CTNND2: variants seen among roughly 807,000 people sequenced by gnomAD.
CTNND2 encodes catenin delta 2, also known as catenin delta-2.
Under a neutral mutation model 144.4 loss-of-function variants are expected in CTNND2, and 22 were observed. The ratio of observed to expected loss-of-function variants is 0.15; its 90% CI spans 0.11 to 0.22. CTNND2 has a LOEUF of 0.22. Among genes scored for constraint, CTNND2 ranks in the 10% least tolerant of loss-of-function variants. The pLI is 1.00. For missense variants in CTNND2, 1,353 were observed against 1,618.8 expected (o/e 0.84, Z 2.82); for synonymous variants, 751 against 695.6 (o/e 1.08, Z -1.25).
At chr5:11,724,209 T>A (rs59130706) in intron 2 of CTNND2, among the ~76,000 whole-genome samples, 15,676 of 152,138 alleles carry the variant, frequency 0.1, 998 homozygotes, top group East Asian at 0.21. Flanking sequence ...CCAGTAAAGC[T>A]CCTAGTATGG....
chr5:11,665,445 G>A (rs1783512682), intron 2 of CTNND2, among the ~76,000 whole-genome samples: 1 of 152,116 alleles, frequency 6.6e-6, no homozygotes, highest in African/African-American at 2.4e-5. Context: ...CTGAACCCGT[G>A]TATAAATCTT....
chr5:11,715,699 G>A (rs1786312312), intron 2 of CTNND2, among the ~76,000 whole-genome samples: 1 of 152,156 alleles, frequency 6.6e-6, no homozygotes, highest in East Asian at 1.9e-4. Context: ...GATAGAAATG[G>A]AAATGTTATG....
intron 3 of CTNND2, among the ~76,000 whole-genome samples, chr5:11,516,466 G>A (rs1222054483): frequency 6.6e-6 from 1 of 152,084 alleles, no homozygotes; most frequent in Non-Finnish European, 1.5e-5. Context: ...AAAACAATGT[G>A]TTGAACTGAT....
At chr5:11,584,783 G>A (rs562419232) in intron 2 of CTNND2, among the ~76,000 whole-genome samples, 1 of 152,134 alleles carries the variant, frequency 6.6e-6, no homozygotes, top group Non-Finnish European at 1.5e-5. Flanking sequence ...AACACTGATT[G>A]GTAATTCTTA....
At chr5:11,252,800 T>G (rs1460842329) in intron 9 of CTNND2, among the ~76,000 whole-genome samples, 1 of 152,186 alleles carries the variant, frequency 6.6e-6, no homozygotes, top group Non-Finnish European at 1.5e-5. Flanking sequence ...CACTGCAAGT[T>G]GGGCACCAAA....
intron 1 of CTNND2, among the ~76,000 whole-genome samples, chr5:11,867,837 T>G (rs1283917312): frequency 6.6e-6 from 1 of 151,584 alleles, no homozygotes; most frequent in Admixed American, 6.6e-5. Flanking sequence ...TAAAATAATG[T>G]ACTATTTATA....
At chr5:11,770,905 G>A (rs1789894935) in intron 1 of CTNND2, among the ~76,000 whole-genome samples, 6 of 152,072 alleles carry the variant, frequency 3.9e-5, no homozygotes, top group Non-Finnish European at 8.8e-5. Context: ...CAAAAAGGAG[G>A]GGGGGACTAG....
chr5:11,671,440 C>T (rs1318168008), intron 2 of CTNND2, among the ~76,000 whole-genome samples: 1 of 152,116 alleles, frequency 6.6e-6, no homozygotes, highest in Non-Finnish European at 1.5e-5. Flanking sequence ...GGTCTTTTCA[C>T]ATAGTCTCCT....
intron 3 of CTNND2, among the ~76,000 whole-genome samples, chr5:11,510,807 T>A (rs1439327488): frequency 2.0e-5 from 3 of 152,152 alleles, no homozygotes; most frequent in African/African-American, 7.2e-5. Flanking sequence ...GGCACATGCA[T>A]GTAGTCCCAG....
chr5:11,506,203 T>A (rs1219475151), intron 3 of CTNND2, among the ~76,000 whole-genome samples: 1 of 152,154 alleles, frequency 6.6e-6, no homozygotes, highest in Admixed American at 6.5e-5. Context: ...TCATAGGAGA[T>A]TGGCCAATAG....
chr5:11,427,995 C>A (rs1299283928), intron 3 of CTNND2, among the ~76,000 whole-genome samples: 1 of 152,074 alleles, frequency 6.6e-6, no homozygotes, highest in East Asian at 1.9e-4. Context: ...ACAGCAAGAG[C>A]AAATGAGGAA....
chr5:11,098,068 G>T (rs890082680), intron 15 of CTNND2, among the ~76,000 whole-genome samples: 1 of 152,180 alleles, frequency 6.6e-6, no homozygotes, highest in Admixed American at 6.5e-5. Flanking sequence ...TAACATGTTT[G>T]CCAAAGTCAA....
rs138757323 is a variant in CTNND2 at position 11,457,219 on chromosome 5, T to G, written c.288-45150A>C. Among the ~76,000 whole-genome samples, 14 of 152,136 alleles carry G rather than the reference T, an allele frequency of 9.2e-5. No individual in the cohort carries two copies. In the East Asian group the frequency reaches 2.7e-3, roughly 29 times the overall value. ...GAGTTTAAGACCAGCCTGGGCAACA[T>G]AGTGAGACCCTGTCTCTACACAATT... On this transcript the variant is annotated intron_variant, in intron 3 of 21. Coordinates refer to ENST00000304623, the MANE Select transcript of CTNND2 (RefSeq NM_001332.4).
intron 2 of CTNND2, among the ~76,000 whole-genome samples, chr5:11,596,435 A>G (rs929069890): frequency 3.3e-5 from 5 of 152,218 alleles, no homozygotes; most frequent in Admixed American, 6.5e-5. Flanking sequence ...AGGAATACCA[A>G]TAAGAAAAAG....
chr5:11,394,162 T>C (rs1385943886), intron 6 of CTNND2, among the ~76,000 whole-genome samples: 2 of 152,216 alleles, frequency 1.3e-5, no homozygotes, highest in Non-Finnish European at 2.9e-5. Flanking sequence ...ATCCATTTCC[T>C]TCCCATAGAA....
chr5:11,632,445 C>T (rs1414336981), intron 2 of CTNND2, among the ~76,000 whole-genome samples: 3 of 152,124 alleles, frequency 2.0e-5, no homozygotes, highest in Non-Finnish European at 4.4e-5. Context: ...TAAACTATTC[C>T]AGTCAAGTTA....
intron 3 of CTNND2, 137 bp from the exon 4 acceptor site, chr5:11,412,206 G>A (rs866341653): frequency 1.5e-6 from 1 of 651,284 alleles, no homozygotes; most frequent in Non-Finnish European, 2.8e-6. Flanking sequence ...ACTATGAAAA[G>A]GGATTCCACT....
Position 11,183,561 on chromosome 5 carries a change from G to T in CTNND2, c.1975+15887C>A, listed in dbSNP as rs572654800. The stretch of plus-strand genomic sequence containing the variant: ...ATCAATTTAGTTTCTTTTTTTTTTG[G>T]TTTTTTTTTTTTTGAGACCAAGTTT... On this transcript the variant is annotated intron_variant, in intron 11 of 21. Transcript: ENST00000304623. Among the ~76,000 whole-genome samples the T allele has an allele frequency of 4.9e-3, 695 of 142,344 alleles. 6 individuals are homozygous for T. Among genetic ancestry groups the T allele is most frequent in the African/African-American group, 0.016 (630 of 39,098 alleles). The allele number at this position is 142,344 out of a possible 152,430, so 93.4% of individuals were successfully genotyped here. A position where few individuals can be genotyped will look rare whatever the true frequency, so the allele number is the denominator to read the frequency against.
chr5:11,276,949 C>T (rs939510945), intron 9 of CTNND2, among the ~76,000 whole-genome samples: 3 of 152,164 alleles, frequency 2.0e-5, no homozygotes, highest in East Asian at 3.8e-4. Flanking sequence ...GCTGATTTCT[C>T]GATTTTAGAC....
Sources: gnomAD v4.1 joint callset for allele counts (sites outside exome capture counted in the v4.1 genomes callset) on GRCh38, gnomAD v4.1.1 for gene constraint, MANE v1.5 for transcripts, NCBI Gene and HGNC (gene_info 2026-07-23, HGNC 2026-07-21) for gene names.